DDX55: variants seen among roughly 807,000 people sequenced by gnomAD.
DDX55 encodes the protein DEAD-box helicase 55.
In DDX55, 56 loss-of-function variants were observed where a neutral mutation model predicts 69.2. That is an observed-to-expected ratio of 0.81 (90% CI 0.65 to 1.01). DDX55 has a LOEUF of 1.01. DDX55 is among the 50% of genes least tolerant of loss of function. The probability of loss-of-function intolerance (pLI) is 0.00; values close to 1 mark genes in which losing one functional copy is unlikely to be tolerated. For missense variants in DDX55, 720 were observed against 745.1 expected (o/e 0.97, Z 0.39); for synonymous variants, 268 against 273.1 (o/e 0.98, Z 0.18).
chr12:123,615,428 C>T (rs570397923), intron 9 of DDX55, 112 bp downstream of exon 9: 12 of 1,427,752 alleles, frequency 8.4e-6, no homozygotes, highest in Middle Eastern at 2.1e-4. Flanking sequence ...TCTTTCCTGC[C>T]TGGAACCCTC....
At chr12:123,609,804 C>T (rs933564043) in intron 6 of DDX55, 135 bp from the exon 7 acceptor site, 4 of 1,015,778 alleles carry the variant, frequency 3.9e-6, no homozygotes, top group African/African-American at 3.3e-5. Flanking sequence ...ATAATCTCAC[C>T]TCCCAGTGTA....
chr12:123,603,623 C>G (rs537364674), intron 1 of DDX55, among the ~76,000 whole-genome samples: 1 of 152,092 alleles, frequency 6.6e-6, no homozygotes, highest in Non-Finnish European at 1.5e-5. Flanking sequence ...AACTCCTGAC[C>G]TCCTGATCCA....
chr12:123,602,834 A>G (rs892274018), intron 1 of DDX55, among the ~76,000 whole-genome samples: 4 of 152,222 alleles, frequency 2.6e-5, no homozygotes, highest in African/African-American at 9.7e-5. Context: ...TGAAAGAACT[A>G]AGACGGTTGT....
chr12:123,609,902 C>T (rs1840371741), intron 6 of DDX55, 37 bp from the exon 7 acceptor site: 1 of 1,588,388 alleles, frequency 6.3e-7, no homozygotes, highest in Non-Finnish European at 8.6e-7. Context: ...ATTCTGCTGG[C>T]AAGTGAGCGG....
chr12:123,618,383 C>A, intron 11 of DDX55: 3 of 771,762 alleles, frequency 3.9e-6, no homozygotes, highest in Non-Finnish European at 6.4e-6. Context: ...TGGTAGCATG[C>A]CCTGCTGGGA....
Position 123,609,969 on chromosome 12 carries a change from G to A in DDX55, c.582G>A (p.Lys194=). 6.2e-7 allele frequency: 1 copy of A among 1,614,006 alleles called. No individual in the cohort carries two copies. The highest frequency in any genetic ancestry group is 8.5e-7 in the Non-Finnish European group (1 of 1,179,992). ...SINTILEFLP[K]QRRTGLFSAT... Reference sequence around the variant, plus strand: ...ACACCATTCTGGAGTTTTTGCCAAAGCAGAGGAGAACAGGCCTTTTCTCTG... The same window carrying A: ...ACACCATTCTGGAGTTTTTGCCAAAACAGAGGAGAACAGGCCTTTTCTCTG... The change falls in exon 7 of 14, where the codon AAG becomes AAA. Residue 194 remains lysine (K), a synonymous_variant. Coordinates refer to ENST00000238146, the MANE Select transcript of DDX55 (RefSeq NM_020936.3).
Position 123,620,341 on chromosome 12 carries a change from G to C in DDX55, c.*201G>C. ...TACTAAAAACATTCCAGTCTTGGCC[G>C]GGTGCGGTGGCTCCTGCCTATAATC... On this transcript the variant is annotated 3_prime_UTR_variant, in exon 14 of 14. Coordinates refer to ENST00000238146, the MANE Select transcript of DDX55 (RefSeq NM_020936.3). 1 of 474,028 alleles carries C rather than the reference G, an allele frequency of 2.1e-6. No individual in the cohort carries two copies. The highest frequency in any genetic ancestry group is 2.0e-5 in the African/African-American group (1 of 50,996). The allele number at this position is 474,028 out of a possible 1,614,324, so 29.4% of individuals were successfully genotyped here. A position where few individuals can be genotyped will look rare whatever the true frequency, so the allele number is the denominator to read the frequency against.
chr12:123,610,042 A>T lies in DDX55; in HGVS notation c.655A>T (p.Asn219Tyr). 1 of 1,614,170 alleles carries T rather than the reference A, an allele frequency of 6.2e-7. No homozygotes were observed. The highest frequency in any genetic ancestry group is 8.5e-7 in the Non-Finnish European group (1 of 1,180,036). Residue 219 changes from asparagine to tyrosine, a missense_variant, in exon 7 of 14, where the codon AAC becomes TAC. Physicochemically the swap from Asn to Tyr is moderately radical, Grantham distance 143. Coordinates refer to ENST00000238146, the MANE Select transcript of DDX55 (RefSeq NM_020936.3). ...VENLVRAGLR[N>Y]PVRVSVKEKG... ...GAACCTGGTGAGAGCGGGCCTCCGG[A>T]ACCCTGTCCGGGTCTCAGTGAAGGA...
chr12:123,618,749 AGC>A lies in DDX55; in HGVS notation c.1246_1247del (p.Ala416CysfsTer3). On this transcript the variant is annotated frameshift_variant, in exon 12 of 14. Transcript: ENST00000238146. LOFTEE classifies it high-confidence loss of function. ...TCAAGTCCATGGCCCTGGCTGACAG[AGC>A]TGTGTTTGAAAAGGGCATGAAAGCT... ...KLKSMALADR[A>X]VFEKGMKAFV... 1 of 1,614,202 alleles carries A rather than the reference AGC, an allele frequency of 6.2e-7. No individual in the cohort carries two copies. The highest frequency in any genetic ancestry group is 8.5e-7 in the Non-Finnish European group (1 of 1,180,042).
intron 5 of DDX55, chr12:123,608,414 A>G: frequency 2.9e-6 from 1 of 346,874 alleles, no homozygotes; most frequent in Non-Finnish European, 5.3e-6. Context: ...CCAATAAAAT[A>G]CTTGGCAAGG....
chr12:123,618,500 T>C, intron 11 of DDX55, 169 bp from the exon 12 acceptor site: 2 of 1,533,076 alleles, frequency 1.3e-6, no homozygotes, highest in Non-Finnish European at 1.7e-6. Context: ...CTTTTAAAAA[T>C]TTAACATACT....
chr12:123,619,773 T>C, intron 13 of DDX55, 49 bp downstream of exon 13: 2 of 1,533,520 alleles, frequency 1.3e-6, no homozygotes, highest in South Asian at 1.3e-5. Context: ...AACAAATTTA[T>C]TGTAGTAGTT....
intron 11 of DDX55, chr12:123,618,279 T>TG (rs568387584): frequency 3.9e-4 from 192 of 487,166 alleles, no homozygotes; most frequent in African/African-American, 3.3e-3. Flanking sequence ...CCCAAAGTGC[T>TG]GGGATGACAG....
Position 123,617,835 on chromosome 12 carries a change from A to T in DDX55, c.1127A>T (p.Glu376Val). 1 of 1,614,138 alleles carries T rather than the reference A, an allele frequency of 6.2e-7. No individual in the cohort carries two copies. Among genetic ancestry groups the T allele is most frequent in the South Asian group, 1.1e-5 (1 of 91,084 alleles). ...GSALVFLLPMEESYINFLAIN... is the reference protein window; with the variant it reads ...GSALVFLLPMVESYINFLAIN... ...GCTCTGGTGTTCCTCCTGCCCATGG[A>T]AGAGTCATACATCAATTTCCTTGCA... The change falls in exon 11 of 14, where the codon GAA (glutamate) becomes GTA (valine). Residue 376 changes from glutamate (E) to valine (V), a missense_variant. By Grantham distance (121) the Glu-to-Val change is moderately radical. Coordinates refer to ENST00000238146, the MANE Select transcript of DDX55 (RefSeq NM_020936.3).
Position 123,613,241 on chromosome 12 carries a change from G to C in DDX55, c.813G>C (p.Leu271=). Residue 271 remains leucine, a synonymous_variant, in exon 8 of 14, where the codon CTG becomes CTC. Coordinates refer to ENST00000238146, the MANE Select transcript of DDX55 (RefSeq NM_020936.3). ...GCAATCATAAGCAGGAGAAACACCT[G>C]GTCTTCTTCAGGTACTCCTCTGGTC... is the stretch of plus-strand genomic sequence containing the variant. ...FLRNHKQEKH[L]VFFSTCACVE... is the part of the protein sequence containing the mutation. 3 of 1,613,948 alleles carry C rather than the reference G, an allele frequency of 1.9e-6. No individual in the cohort carries two copies. The highest frequency in any genetic ancestry group is 3.3e-5 in the Admixed American group (2 of 59,998).
chr12:123,609,453 C>G (rs1030938370), intron 6 of DDX55, among the ~76,000 whole-genome samples: 2 of 146,502 alleles, frequency 1.4e-5, no homozygotes, highest in African/African-American at 5.1e-5. Flanking sequence ...CGGGTCATTG[C>G]GACCTTTACT....
intron 8 of DDX55, 138 bp from the exon 9 acceptor site, chr12:123,615,047 G>A: frequency 8.7e-7 from 1 of 1,152,314 alleles, no homozygotes; most frequent in South Asian, 1.5e-5. Context: ...GATTTCCACT[G>A]CCATTTTCCT....
intron 8 of DDX55, among the ~76,000 whole-genome samples, chr12:123,614,206 C>T (rs984330919): frequency 2.6e-5 from 4 of 152,054 alleles, no homozygotes; most frequent in East Asian, 1.9e-4. Context: ...AAATGCTGGT[C>T]GAGACCCACT....
intron 8 of DDX55, among the ~76,000 whole-genome samples, chr12:123,614,680 T>C (rs910135669): frequency 6.6e-6 from 1 of 152,180 alleles, no homozygotes; most frequent in African/African-American, 2.4e-5. Context: ...TTTTTGTCTT[T>C]GGATGACTCA....
Sources: allele counts gnomAD v4.1 joint callset (sites outside exome capture counted in the v4.1 genomes callset), GRCh38; gene constraint gnomAD v4.1.1; transcripts MANE v1.5; gene names NCBI Gene and HGNC (gene_info 2026-07-23, HGNC 2026-07-21).